SLCO1A2: variants seen among roughly 807,000 people sequenced by gnomAD.
The protein encoded by SLCO1A2 is OATP-1.
A neutral mutation model predicts 69.0 loss-of-function variants in SLCO1A2; 67 were observed. The ratio of observed to expected loss-of-function variants is 0.97; its 90% CI spans 0.80 to 1.19. The LOEUF is 1.19. Ranked by LOEUF, SLCO1A2 falls within the 50% of genes most tolerant of loss-of-function variation. The pLI, the probability that SLCO1A2 is intolerant of heterozygous loss-of-function variation, is 0.00. For synonymous variants in SLCO1A2, 260 were observed against 265.9 expected (o/e 0.98, Z 0.22); for missense variants, 787 against 793.7 (o/e 0.99, Z 0.10).
upstream of SLCO1A2, among the ~76,000 whole-genome samples, chr12:21,397,338 G>T (rs1340115137): frequency 6.6e-6 from 1 of 151,862 alleles, no homozygotes; most frequent in Non-Finnish European, 1.5e-5. Context: ...CTAAATATAT[G>T]TGCACCCAAT....
upstream of SLCO1A2, among the ~76,000 whole-genome samples, chr12:21,337,533 A>G (rs1054667103): frequency 2.7e-3 from 328 of 122,260 alleles, 3 homozygotes; most frequent in African/African-American, 8.0e-3. Flanking sequence ...TTCCCTAGGG[A>G]AAAAAAAAAT....
chr12:21,413,938 T>C (rs1291234144), intron 1 of SLCO1A2, among the ~76,000 whole-genome samples: 1 of 152,172 alleles, frequency 6.6e-6, no homozygotes, highest in African/African-American at 2.4e-5. Flanking sequence ...ACTGGAGCCC[T>C]CACAGCTTCA....
chr12:21,295,847 T>C (rs541066422), intron 9 of SLCO1A2, 55 bp from the exon 10 acceptor site: 2 of 975,526 alleles, frequency 2.1e-6, no homozygotes, highest in Admixed American at 2.2e-5. Flanking sequence ...GGAACAAATA[T>C]GTTATCACTT....
intron 12 of SLCO1A2, among the ~76,000 whole-genome samples, chr12:21,290,092 T>TA (rs1189661125): frequency 6.6e-6 from 1 of 151,994 alleles, no homozygotes; most frequent in Non-Finnish European, 1.5e-5. Flanking sequence ...GAGACATATA[T>TA]ATGTATATAT....
intron 4 of SLCO1A2, among the ~76,000 whole-genome samples, chr12:21,309,830 C>A (rs1180917730): frequency 3.3e-5 from 5 of 152,064 alleles, no homozygotes; most frequent in Non-Finnish European, 7.4e-5. Flanking sequence ...AATAGCAATG[C>A]AGCAGGCCTA....
intron 2 of SLCO1A2, among the ~76,000 whole-genome samples, chr12:21,371,884 C>A (rs988853358): frequency 6.6e-6 from 1 of 151,926 alleles, no homozygotes; most frequent in Non-Finnish European, 1.5e-5. Flanking sequence ...TGCCTGTAAT[C>A]CCAGCTACTC....
chr12:21,304,529 C>A lies in SLCO1A2; in HGVS notation c.487G>T (p.Val163Leu). Reference sequence around the variant, plus strand: ...CCCATTCCACGTACAATATTGCCTACTAGGACGTACACCCACATTAATGAT... The same window carrying A: ...CCCATTCCACGTACAATATTGCCTAATAGGACGTACACCCACATTAATGAT... Reference protein sequence around the residue: ...VKSLMWVYVLVGNIVRGMGET... With the variant: ...VKSLMWVYVLLGNIVRGMGET... The change falls in exon 6 of 15, where the codon GTA becomes TTA. Residue 163 changes from valine (V) to leucine (L), a missense_variant. Coordinates refer to ENST00000683939, the MANE Select transcript of SLCO1A2 (RefSeq NM_001386879.1). 1.9e-6 allele frequency: 3 copies of A among 1,613,084 alleles called. No homozygotes were observed. Among genetic ancestry groups the A allele is most frequent in the Non-Finnish European group, 2.5e-6 (3 of 1,179,286 alleles).
chr12:21,373,350 C>A (rs1190095246), intron 2 of SLCO1A2: 2 of 1,607,874 alleles, frequency 1.2e-6, no homozygotes, highest in South Asian at 1.1e-5. Context: ...ATTTGAGAAG[C>A]AATGGGCATC....
intron 8 of SLCO1A2, among the ~76,000 whole-genome samples, chr12:21,299,128 A>G (rs1370576205): frequency 2.0e-5 from 3 of 152,122 alleles, no homozygotes; most frequent in Non-Finnish European, 4.4e-5. Flanking sequence ...CCATCCGTCA[A>G]ATAAACATTT....
intron 1 of SLCO1A2, among the ~76,000 whole-genome samples, chr12:21,406,824 T>C (rs1021482662): frequency 1.3e-5 from 2 of 152,228 alleles, no homozygotes; most frequent in Admixed American, 1.3e-4. Context: ...AAAATAATTT[T>C]GGAGACAGAT....
intron 11 of SLCO1A2, among the ~76,000 whole-genome samples, chr12:21,292,750 C>T (rs1417698173): frequency 6.6e-6 from 1 of 152,072 alleles, no homozygotes; most frequent in African/African-American, 2.4e-5. Context: ...CGCCTGCCAC[C>T]ATTCCCAGCT....
intron 2 of SLCO1A2, among the ~76,000 whole-genome samples, chr12:21,354,390 T>C (rs547619157): frequency 9.3e-4 from 141 of 152,360 alleles, no homozygotes; most frequent in African/African-American, 3.3e-3. Context: ...TCTGCTGTGA[T>C]GAAACTTCTT....
At chr12:21,360,686 C>A (rs576508854) in intron 2 of SLCO1A2, among the ~76,000 whole-genome samples, 38 of 152,322 alleles carry the variant, frequency 2.5e-4, no homozygotes, top group African/African-American at 8.7e-4. Context: ...ACACTCCCAC[C>A]CTAATACTGC....
chr12:21,320,750 T>C (rs1323679282), intron 2 of SLCO1A2, among the ~76,000 whole-genome samples: 1 of 152,078 alleles, frequency 6.6e-6, no homozygotes, highest in African/African-American at 2.4e-5. Flanking sequence ...CCGCCCACCT[T>C]GGCCTCCCAA....
intron 12 of SLCO1A2, among the ~76,000 whole-genome samples, chr12:21,277,394 T>A (rs564575889): frequency 6.6e-6 from 1 of 152,190 alleles, no homozygotes. Context: ...CCAACAGCTA[T>A]ACGCAGGTAG....
At chr12:21,412,521 TC>T (rs1287154310) in intron 1 of SLCO1A2, among the ~76,000 whole-genome samples, 1 of 152,250 alleles carries the variant, frequency 6.6e-6, no homozygotes, top group Admixed American at 6.5e-5. Context: ...ATATTTGTAG[TC>T]TATTAATGTG....
intron 4 of SLCO1A2, among the ~76,000 whole-genome samples, chr12:21,309,720 G>A (rs114723503): frequency 0.016 from 2,386 of 152,196 alleles, 56 homozygotes; most frequent in African/African-American, 0.049. Context: ...GAGGAAAGAG[G>A]AAAGCAGGAG....
At chr12:21,377,542 C>G (rs1043278184) in intron 1 of SLCO1A2, among the ~76,000 whole-genome samples, 195 of 152,292 alleles carry the variant, frequency 1.3e-3, no homozygotes, top group African/African-American at 4.5e-3. Flanking sequence ...GCTGTACACC[C>G]AATGGTTAGT....
chr12:21,354,355 C>T (rs1222195365), intron 2 of SLCO1A2, among the ~76,000 whole-genome samples: 1 of 152,178 alleles, frequency 6.6e-6, no homozygotes, highest in African/African-American at 2.4e-5. Context: ...CCTATCCTCT[C>T]CTGAAGGTAT....
Sources: allele counts gnomAD v4.1 joint callset (sites outside exome capture counted in the v4.1 genomes callset), GRCh38; gene constraint gnomAD v4.1.1; transcripts MANE v1.5; gene names NCBI Gene and HGNC (gene_info 2026-07-23, HGNC 2026-07-21).